PGCKA1: variants seen among roughly 807,000 people sequenced by gnomAD.
PGCKA1 encodes PDCD10 and GCKIII kinases associated 1.
the PGCKA1 span, among the ~76,000 whole-genome samples, chr4:37,464,259 G>A: frequency 6.6e-6 from 1 of 152,318 alleles, no homozygotes; most frequent in East Asian, 1.9e-4. Context: ...GTCAGGCCTG[G>A]CTGCCCCAGA....
the PGCKA1 span, among the ~76,000 whole-genome samples, chr4:37,464,028 T>C: frequency 5.9e-5 from 9 of 152,182 alleles, no homozygotes; most frequent in African/African-American, 1.4e-4. Flanking sequence ...TCAGAAATTA[T>C]GAGATTCATC....
chr4:37,454,270 G>A, the PGCKA1 span, among the ~76,000 whole-genome samples: 2 of 152,280 alleles, frequency 1.3e-5, no homozygotes, highest in African/African-American at 4.8e-5. Context: ...AAACTCGGGT[G>A]GGGGGAGGCG....
At chr4:37,538,484 A>G in the PGCKA1 span, among the ~76,000 whole-genome samples, 3,990 of 152,342 alleles carry the variant, frequency 0.026, 178 homozygotes, top group African/African-American at 0.091. Context: ...ACACCTTGCC[A>G]TCTCCACCTG....
chr4:37,472,126 C>A, the PGCKA1 span, among the ~76,000 whole-genome samples: 1 of 152,136 alleles, frequency 6.6e-6, no homozygotes, highest in South Asian at 2.1e-4. Flanking sequence ...CTGCGTGTGC[C>A]CCTGGCAGGC....
the PGCKA1 span, among the ~76,000 whole-genome samples, chr4:37,482,037 C>T: frequency 6.6e-6 from 1 of 152,166 alleles, no homozygotes; most frequent in Non-Finnish European, 1.5e-5. Context: ...CTGGAGGCTT[C>T]CCCAGCCAAG....
the PGCKA1 span, among the ~76,000 whole-genome samples, chr4:37,486,512 C>T: frequency 6.6e-6 from 1 of 152,084 alleles, no homozygotes. Flanking sequence ...TTTCAAGCAC[C>T]GAGCCTTTGT....
At chr4:37,515,992 A>G in the PGCKA1 span, among the ~76,000 whole-genome samples, 103 of 152,240 alleles carry the variant, frequency 6.8e-4, no homozygotes, top group Non-Finnish European at 1.3e-3. Context: ...TTTTTTTTAT[A>G]TATAAAATGC....
the PGCKA1 span, among the ~76,000 whole-genome samples, chr4:37,540,443 G>A: frequency 1.3e-5 from 2 of 152,110 alleles, no homozygotes; most frequent in Admixed American, 6.5e-5. Context: ...ATTCTATCCC[G>A]AATATGATTG....
the PGCKA1 span, among the ~76,000 whole-genome samples, chr4:37,501,370 C>A: frequency 6.6e-6 from 1 of 151,962 alleles, no homozygotes; most frequent in Non-Finnish European, 1.5e-5. Flanking sequence ...AGAGTGTGAA[C>A]CTTATTGTGA....
At chr4:37,562,828 A>G in the PGCKA1 span, among the ~76,000 whole-genome samples, 11 of 152,336 alleles carry the variant, frequency 7.2e-5, no homozygotes, top group South Asian at 2.1e-4. Flanking sequence ...TACTTGGCAC[A>G]TAATAGGTGC....
chr4:37,496,534 C>A, the PGCKA1 span, among the ~76,000 whole-genome samples: 4 of 152,114 alleles, frequency 2.6e-5, no homozygotes, highest in Non-Finnish European at 5.9e-5. Context: ...CTTTGGGTAG[C>A]GTGATTCCTC....
At chr4:37,502,413 G>T in the PGCKA1 span, among the ~76,000 whole-genome samples, 2 of 152,200 alleles carry the variant, frequency 1.3e-5, no homozygotes, top group South Asian at 4.1e-4. Context: ...GGGTGCTGGT[G>T]GATGCAGGTC....
chr4:37,503,413 A>G, the PGCKA1 span, among the ~76,000 whole-genome samples: 1 of 152,000 alleles, frequency 6.6e-6, no homozygotes, highest in East Asian at 1.9e-4. Context: ...CAGCTGTTCC[A>G]CCTGACTGCA....
At chr4:37,454,119 C>G in the PGCKA1 span, 1 of 153,002 alleles carries the variant, frequency 6.5e-6, no homozygotes, top group Non-Finnish European at 1.5e-5. Flanking sequence ...AGCTTTCCCC[C>G]ACTTCTCTCC....
chr4:37,464,391 G>A, the PGCKA1 span, among the ~76,000 whole-genome samples: 1 of 152,118 alleles, frequency 6.6e-6, no homozygotes, highest in Non-Finnish European at 1.5e-5. Flanking sequence ...AAACTGGGAC[G>A]CTAACTACTC....
chr4:37,544,898 C>T, the PGCKA1 span, among the ~76,000 whole-genome samples: 324 of 150,346 alleles, frequency 2.2e-3, no homozygotes, highest in Non-Finnish European at 3.5e-3. Flanking sequence ...GCTCTTGTTG[C>T]GCAGGCTGGA....
chr4:37,489,899 G>A, the PGCKA1 span, among the ~76,000 whole-genome samples: 27 of 152,068 alleles, frequency 1.8e-4, no homozygotes, highest in Admixed American at 1.5e-3. Flanking sequence ...AAATGGGATT[G>A]CTGTAGCCAA....
the PGCKA1 span, among the ~76,000 whole-genome samples, chr4:37,467,257 A>G: frequency 1.3e-4 from 20 of 152,386 alleles, no homozygotes; most frequent in Non-Finnish European, 2.8e-4. Flanking sequence ...TTAATAAAAT[A>G]GGAATGATTA....
chr4:37,528,541 C>T, the PGCKA1 span, among the ~76,000 whole-genome samples: 9,697 of 152,168 alleles, frequency 0.064, 1,081 homozygotes, highest in African/African-American at 0.22. Flanking sequence ...AACAGAAGAG[C>T]TTCAGTTTAA....
Sources: allele counts gnomAD v4.1 joint callset (sites outside exome capture counted in the v4.1 genomes callset), GRCh38; gene constraint gnomAD v4.1.1; transcripts MANE v1.5; gene names NCBI Gene and HGNC (gene_info 2026-07-23, HGNC 2026-07-21).